The following PRKD1 variants were observed in gnomAD, a reference collection of about 807,000 sequenced individuals.
The protein encoded by PRKD1 is serine/threonine-protein kinase D1.
Under a neutral mutation model 95.9 loss-of-function variants are expected in PRKD1, and 63 were observed. The ratio of observed to expected loss-of-function variants is 0.66; its 90% CI spans 0.54 to 0.81. The LOEUF is 0.81. Ranked by LOEUF, PRKD1 falls within the 30% of genes least tolerant of loss-of-function variation. The pLI is 0.00. For missense variants in PRKD1, 1,048 were observed against 1,165.3 expected, an observed-to-expected ratio of 0.90 and a Z score of 1.47; for synonymous variants, 425 against 423.1, an observed-to-expected ratio of 1.00 and a Z score of -0.05.
intron 1 of PRKD1, among the ~76,000 whole-genome samples, chr14:29,863,908 A>G (rs1244971364): frequency 1.3e-5 from 2 of 152,132 alleles, no homozygotes; most frequent in East Asian, 1.9e-4. Context: ...ACAAATGAAT[A>G]ACGGCAGTTT....
intron 1 of PRKD1, among the ~76,000 whole-genome samples, chr14:29,868,791 AAC>A (rs1893001079): frequency 6.6e-6 from 1 of 152,212 alleles, no homozygotes. Flanking sequence ...GGAACAATGA[AAC>A]ACTAGGCACA....
intron 1 of PRKD1, among the ~76,000 whole-genome samples, chr14:29,806,257 G>T (rs1325369884): frequency 6.6e-6 from 1 of 152,192 alleles, no homozygotes; most frequent in Non-Finnish European, 1.5e-5. Context: ...CTTCCTACAG[G>T]ATGGATTGGA....
intron 1 of PRKD1, among the ~76,000 whole-genome samples, chr14:29,861,884 C>T (rs1404489115): frequency 6.6e-6 from 1 of 152,140 alleles, no homozygotes; most frequent in Non-Finnish European, 1.5e-5. Flanking sequence ...AAACTCCTAA[C>T]CTTGTTATCC....
intron 2 of PRKD1, among the ~76,000 whole-genome samples, chr14:29,684,436 C>G (rs1353430787): frequency 6.6e-6 from 1 of 152,138 alleles, no homozygotes; most frequent in African/African-American, 2.4e-5. Flanking sequence ...TAATTTAAGT[C>G]TATTGTTCTT....
In PRKD1 at chr14:29,780,290, G is replaced by T. The variant is rs988467830; in HGVS notation, c.265-54616C>A. On this transcript the variant is annotated intron_variant, in intron 1 of 17. Transcript: ENST00000331968. ...AACAAAAGCCAAAATTAACAAATGG[G>T]ATCTAATTAAACTAAAGAGCTTCTG... Among the ~76,000 whole-genome samples the T allele has an allele frequency of 4.7e-4, 72 of 152,106 alleles. 2 individuals are homozygous for T. Among genetic ancestry groups the T allele is most frequent in the South Asian group, 6.2e-4 (3 of 4,822 alleles).
intron 1 of PRKD1, among the ~76,000 whole-genome samples, chr14:29,812,863 C>T (rs150790879): frequency 0.016 from 2,436 of 152,306 alleles, 32 homozygotes; most frequent in Middle Eastern, 0.044. Flanking sequence ...TATCCCAGCA[C>T]TTTGGGAGGC....
intron 11 of PRKD1, among the ~76,000 whole-genome samples, chr14:29,627,155 A>G (rs976637711): frequency 6.6e-6 from 1 of 152,256 alleles, no homozygotes; most frequent in Admixed American, 6.5e-5. Flanking sequence ...GTGATTTACT[A>G]TAAGTATTGA....
At chr14:29,676,896 T>C (rs1883258468) in intron 2 of PRKD1, among the ~76,000 whole-genome samples, 1 of 152,190 alleles carries the variant, frequency 6.6e-6, no homozygotes, top group South Asian at 2.1e-4. Flanking sequence ...TGGCCACATG[T>C]TGTTATTCCA....
intron 1 of PRKD1, among the ~76,000 whole-genome samples, chr14:29,732,690 C>T (rs2139413140): frequency 6.6e-6 from 1 of 152,162 alleles, no homozygotes; most frequent in Non-Finnish European, 1.5e-5. Flanking sequence ...AAGTTTTTAT[C>T]TCATCTTTTT....
At chr14:29,675,673 T>C (rs532388561) in intron 2 of PRKD1, among the ~76,000 whole-genome samples, 15 of 152,222 alleles carry the variant, frequency 9.9e-5, no homozygotes, top group Admixed American at 2.0e-4. Context: ...TAAAGACACA[T>C]GCACACGTAC....
intron 17 of PRKD1, 98 bp from the exon 18 acceptor site, chr14:29,577,554 T>C (rs1594332472): frequency 8.8e-7 from 1 of 1,138,712 alleles, no homozygotes. Flanking sequence ...GTTACCCTTC[T>C]CCTTCCACTC....
At chr14:29,659,560 C>T (rs932766985) in intron 4 of PRKD1, among the ~76,000 whole-genome samples, 6 of 152,110 alleles carry the variant, frequency 3.9e-5, no homozygotes, top group East Asian at 1.9e-4. Flanking sequence ...TTTCCAAAGT[C>T]GTTTGGGCCA....
intron 4 of PRKD1, among the ~76,000 whole-genome samples, chr14:29,653,475 A>G (rs1434187282): frequency 6.6e-6 from 1 of 152,162 alleles, no homozygotes; most frequent in Non-Finnish European, 1.5e-5. Flanking sequence ...AAAAATCCAT[A>G]ATGTAAAAAA....
chr14:29,665,705 G>A (rs1034988596), intron 3 of PRKD1, among the ~76,000 whole-genome samples: 8 of 151,572 alleles, frequency 5.3e-5, no homozygotes, highest in African/African-American at 7.3e-5. Context: ...GTGTATACAC[G>A]CACACACACC....
intron 1 of PRKD1, among the ~76,000 whole-genome samples, chr14:29,872,147 T>C (rs890249875): frequency 2.0e-5 from 3 of 152,134 alleles, no homozygotes; most frequent in Non-Finnish European, 4.4e-5. Flanking sequence ...ACAGAACCCA[T>C]TGAGGAAGAA....
At chr14:29,770,751 G>C (rs1241185563) in intron 1 of PRKD1, among the ~76,000 whole-genome samples, 1 of 152,048 alleles carries the variant, frequency 6.6e-6, no homozygotes, top group Non-Finnish European at 1.5e-5. Context: ...AGGATTACTT[G>C]AGCTCAGGAG....
chr14:29,704,412 C>T (rs1331927411), intron 2 of PRKD1, among the ~76,000 whole-genome samples: 1 of 152,138 alleles, frequency 6.6e-6, no homozygotes, highest in East Asian at 1.9e-4. Flanking sequence ...CTTTATCATT[C>T]TTGCCAAAGT....
intron 1 of PRKD1, among the ~76,000 whole-genome samples, chr14:29,869,949 A>C (rs1273000646): frequency 3.3e-5 from 5 of 152,202 alleles, no homozygotes; most frequent in Non-Finnish European, 7.3e-5. Context: ...GAAGATCACC[A>C]TCATTGCCCA....
At chr14:29,649,624 T>G (rs1180964943) in intron 4 of PRKD1, among the ~76,000 whole-genome samples, 1 of 152,170 alleles carries the variant, frequency 6.6e-6, no homozygotes, top group East Asian at 1.9e-4. Context: ...CTTTGGTTAT[T>G]ACCTTAAATA....
Sources: gnomAD v4.1 joint callset for allele counts (sites outside exome capture counted in the v4.1 genomes callset) on GRCh38, gnomAD v4.1.1 for gene constraint, MANE v1.5 for transcripts, NCBI Gene and HGNC (gene_info 2026-07-23, HGNC 2026-07-21) for gene names.